The following SCFD1 variants were observed in gnomAD, a reference collection of about 807,000 sequenced individuals.
The protein encoded by SCFD1 is sec1 family domain containing 1.
Under a neutral mutation model 103.2 loss-of-function variants are expected in SCFD1, and 37 were observed. The observed-to-expected ratio is 0.36, with a 90% CI of 0.28 to 0.47. The LOEUF (loss-of-function observed/expected upper bound fraction) is 0.47. Ranked by LOEUF, SCFD1 falls within the 20% of genes least tolerant of loss-of-function variation. The probability of loss-of-function intolerance (pLI) is 1.00; values close to 1 mark genes in which losing one functional copy is unlikely to be tolerated. For synonymous variants in SCFD1, 264 were observed against 245.0 expected, an observed-to-expected ratio of 1.08 and a Z score of -0.73; for missense variants, 639 against 761.2, an observed-to-expected ratio of 0.84 and a Z score of 1.89.
intron 14 of SCFD1, 61 bp downstream of exon 14, chr14:30,675,126 G>A (rs2139226463): frequency 1.2e-6 from 1 of 856,216 alleles, no homozygotes; most frequent in Non-Finnish European, 1.8e-6. Flanking sequence ...TTTATACTTT[G>A]TAAGATGCTT....
At chr14:30,725,632 A>G (rs1364072200) in intron 23 of SCFD1, among the ~76,000 whole-genome samples, 3 of 152,170 alleles carry the variant, frequency 2.0e-5, no homozygotes, top group Non-Finnish European at 4.4e-5. Context: ...TCATCTGCAT[A>G]CAGAGACAGT....
At chr14:30,683,226 C>A in intron 14 of SCFD1, 1 of 1,107,630 alleles carries the variant, frequency 9.0e-7, no homozygotes, top group Non-Finnish European at 1.3e-6. Context: ...TGATGTCATA[C>A]AGGGCAGACC....
rs926092289 is a variant in SCFD1, at chr14:30,643,253, A to T, written c.524-63A>T. The T allele has an allele frequency of 1.0e-5, 10 of 957,540 alleles. No individual in the cohort carries two copies. In the African/African-American group the frequency reaches 1.3e-4, roughly 13 times the overall value. The allele number at this position is 957,540 out of a possible 1,614,324, so 59.3% of individuals were successfully genotyped here. ...TTAAGAATTTAGTAATAATTTTAGG[A>T]GTTTTAGAAAGATGAGGCATAAGTT... On this transcript the variant is annotated intron_variant, in intron 6 of 24. Transcript: ENST00000458591.
chr14:30,684,026 A>G (rs1336474066), intron 14 of SCFD1, among the ~76,000 whole-genome samples: 1 of 152,230 alleles, frequency 6.6e-6, no homozygotes, highest in African/African-American at 2.4e-5. Flanking sequence ...GTCTATAGCT[A>G]GAATGGGGAG....
Position 30,643,326 on chromosome 14 carries a change from G to A in SCFD1, c.534G>A (p.Arg178=). 6.2e-7 allele frequency: 1 copy of A among 1,611,134 alleles called. No individual in the cohort carries two copies. The highest frequency in any genetic ancestry group is 8.5e-7 in the Non-Finnish European group (1 of 1,177,450). The part of the protein sequence containing the change: ...KELVSYRAIN[R]PDITDTEMET... ...CCTATGTCATTTTAGCCATTAACAGGCCAGATATCACAGACACGGAAATGG... is the reference window on the plus strand; with the variant it reads ...CCTATGTCATTTTAGCCATTAACAGACCAGATATCACAGACACGGAAATGG... Residue 178 remains arginine (R), a synonymous_variant, in exon 7 of 25, where the codon AGG becomes AGA. Coordinates refer to ENST00000458591, the MANE Select transcript of SCFD1 (RefSeq NM_016106.4).
rs202230097 is a variant in SCFD1 at position 30,671,119 on chromosome 14, CT to C, written c.995+729del. On this transcript the variant is annotated intron_variant, in intron 11 of 24. Coordinates refer to ENST00000458591, the MANE Select transcript of SCFD1 (RefSeq NM_016106.4). ...TGTGTGTGTCCTTGATATAGCTGTT[CT>C]TTTTGGGCTTATATTTATTGTTTAA... is the stretch of plus-strand genomic sequence containing the variant. 7.7e-3 allele frequency among the ~76,000 whole-genome samples: 1,167 copies of C among 152,024 alleles called. 9 individuals carry two copies. Among genetic ancestry groups the C allele is most frequent in the Middle Eastern group, 0.048 (14 of 294 alleles).
At chr14:30,661,095 T>C (rs1341488375) in intron 10 of SCFD1, among the ~76,000 whole-genome samples, 2 of 152,184 alleles carry the variant, frequency 1.3e-5, no homozygotes, top group Non-Finnish European at 2.9e-5. Flanking sequence ...TCCAGTTTTC[T>C]CATTCTCTGA....
At chr14:30,699,433 A>C (rs1015239923) in intron 15 of SCFD1, among the ~76,000 whole-genome samples, 18 of 152,164 alleles carry the variant, frequency 1.2e-4, no homozygotes, top group African/African-American at 4.3e-4. Context: ...CTTTCCACCA[A>C]AGTGCACATA....
chr14:30,632,946 C>G (rs1265438467), intron 3 of SCFD1, among the ~76,000 whole-genome samples: 1 of 152,182 alleles, frequency 6.6e-6, no homozygotes, highest in African/African-American at 2.4e-5. Flanking sequence ...GGAAATATTA[C>G]ACAGCTACCA....
intron 6 of SCFD1, among the ~76,000 whole-genome samples, chr14:30,641,598 T>C (rs1885282544): frequency 6.6e-6 from 1 of 152,244 alleles, no homozygotes; most frequent in African/African-American, 2.4e-5. Flanking sequence ...TTTCCTTGAA[T>C]TGATATCCCC....
chr14:30,664,197 A>G (rs574268955), intron 10 of SCFD1, among the ~76,000 whole-genome samples: 3 of 152,212 alleles, frequency 2.0e-5, no homozygotes, highest in South Asian at 2.1e-4. Context: ...TCAGGCAGCA[A>G]TATTTGTTGT....
rs1891730243 is a variant in SCFD1 at position 30,709,708 on chromosome 14, A to G, written c.1629+1643A>G. On this transcript the variant is annotated intron_variant, in intron 19 of 24. Coordinates refer to ENST00000458591, the MANE Select transcript of SCFD1 (RefSeq NM_016106.4). Reference sequence around the variant, plus strand: ...GCACAATAGGAAGTTTGGGCACATTAGAGACAAATGTGCTATACTTTACGG... The same window carrying G: ...GCACAATAGGAAGTTTGGGCACATTGGAGACAAATGTGCTATACTTTACGG... Among the ~76,000 whole-genome samples the G allele has an allele frequency of 2.0e-5, 3 of 152,198 alleles. No homozygotes were observed. In the South Asian group the frequency reaches 6.2e-4, roughly 32 times the overall value.
intron 14 of SCFD1, chr14:30,676,232 T>C (rs1315849075): frequency 3.9e-5 from 6 of 152,218 alleles, no homozygotes; most frequent in Admixed American, 3.9e-4. Flanking sequence ...TGAGAAAATT[T>C]TGGTTAATTT....
intron 4 of SCFD1, 141 bp from the exon 5 acceptor site, chr14:30,637,984 G>C: frequency 8.8e-7 from 1 of 1,132,066 alleles, no homozygotes; most frequent in South Asian, 2.0e-5. Flanking sequence ...TACTTCAAAG[G>C]TTTTTTCTCT....
intron 23 of SCFD1, among the ~76,000 whole-genome samples, chr14:30,732,146 A>C (rs1202167720): frequency 2.0e-5 from 3 of 152,152 alleles, no homozygotes; most frequent in Admixed American, 1.3e-4. Flanking sequence ...TAAAAATCCA[A>C]CCGATTTTTA....
intron 23 of SCFD1, among the ~76,000 whole-genome samples, chr14:30,729,427 C>T (rs1461972003): frequency 6.6e-6 from 1 of 152,110 alleles, no homozygotes; most frequent in African/African-American, 2.4e-5. Context: ...CCAGTTGTTC[C>T]ACTGCCATCT....
chr14:30,682,928 A>G (rs1889604159), intron 14 of SCFD1: 1 of 435,466 alleles, frequency 2.3e-6, no homozygotes, highest in Non-Finnish European at 4.0e-6. Flanking sequence ...TTAAAAGACA[A>G]AAACAAAAAT....
Position 30,622,356 on chromosome 14 carries a change from A to C in SCFD1, c.18A>C (p.Ala6=), listed in dbSNP as rs1245001162. 11 of 1,566,398 alleles carry C rather than the reference A, an allele frequency of 7.0e-6. No homozygotes were observed. Among genetic ancestry groups the C allele is most frequent in the Non-Finnish European group, 9.5e-6 (11 of 1,155,988 alleles). MAAAA[A]ATAAAAASIR... is the part of the protein sequence containing the mutation. ...GAGCCAAGATGGCGGCGGCGGCGGCAGCGACAGCAGCAGCAGCAGCCAGTA... is the reference window on the plus strand; with the variant it reads ...GAGCCAAGATGGCGGCGGCGGCGGCCGCGACAGCAGCAGCAGCAGCCAGTA... The change falls in exon 1 of 25, where the codon GCA becomes GCC. Residue 6 remains alanine (A), a synonymous_variant. Transcript: ENST00000458591.
chr14:30,634,227 C>G (rs981874449), intron 4 of SCFD1, among the ~76,000 whole-genome samples, 190 bp downstream of exon 4: 1 of 152,100 alleles, frequency 6.6e-6, no homozygotes, highest in South Asian at 2.1e-4. Flanking sequence ...AAGTATTATA[C>G]AGTAGTCCTC....
Sources: allele counts gnomAD v4.1 joint callset (sites outside exome capture counted in the v4.1 genomes callset), GRCh38; gene constraint gnomAD v4.1.1; transcripts MANE v1.5; gene names NCBI Gene and HGNC (gene_info 2026-07-23, HGNC 2026-07-21).